GRIP1: variants seen among roughly 807,000 people sequenced by gnomAD.
GRIP1 encodes glutamate receptor-interacting protein 1.
In GRIP1, 45 loss-of-function variants were observed where a neutral mutation model predicts 129.9. The ratio of observed to expected loss-of-function variants is 0.35; its 90% CI spans 0.27 to 0.44. GRIP1 has a LOEUF of 0.44. Among genes scored for constraint, GRIP1 ranks in the 20% least tolerant of loss-of-function variants. The probability of loss-of-function intolerance (pLI) is 1.00; values close to 1 mark genes in which losing one functional copy is unlikely to be tolerated. For missense variants in GRIP1, 1,196 were observed against 1,396.8 expected, an observed-to-expected ratio of 0.86 and a Z score of 2.29; for synonymous variants, 530 against 520.8, an observed-to-expected ratio of 1.02 and a Z score of -0.24.
intron 1 of GRIP1, among the ~76,000 whole-genome samples, chr12:66,640,416 A>G (rs575749187): frequency 6.6e-6 from 1 of 152,308 alleles, no homozygotes; most frequent in South Asian, 2.1e-4. Flanking sequence ...ATGTCTTTTA[A>G]ACAGATTCCT....
intron 1 of GRIP1, among the ~76,000 whole-genome samples, chr12:67,058,475 A>G (rs11176555): frequency 0.11 from 16,994 of 152,294 alleles, 1,020 homozygotes; most frequent in African/African-American, 0.13. Context: ...TCTTTATTCA[A>G]AATACAAAGT....
At chr12:66,758,674 A>C (rs2037375927) in intron 1 of GRIP1, among the ~76,000 whole-genome samples, 1 of 152,192 alleles carries the variant, frequency 6.6e-6, no homozygotes, top group South Asian at 2.1e-4. Flanking sequence ...GATACAATGG[A>C]GGTACAGGTA....
At chr12:66,870,179 C>T (rs2040271489) in intron 1 of GRIP1, among the ~76,000 whole-genome samples, 1 of 152,050 alleles carries the variant, frequency 6.6e-6, no homozygotes, top group African/African-American at 2.4e-5. Flanking sequence ...GAGAAGGAAT[C>T]ATAAGCATAT....
intron 7 of GRIP1, among the ~76,000 whole-genome samples, chr12:66,485,758 T>C (rs2059936531): frequency 1.3e-5 from 2 of 152,090 alleles, no homozygotes; most frequent in South Asian, 4.1e-4. Flanking sequence ...AGTCAAGATA[T>C]ATTTTCTCCA....
intron 1 of GRIP1, among the ~76,000 whole-genome samples, chr12:67,014,125 C>T (rs1265434912): frequency 1.3e-5 from 2 of 152,184 alleles, no homozygotes; most frequent in Non-Finnish European, 2.9e-5. Context: ...CAAGCCATAA[C>T]AGCACCCAGT....
chr12:66,970,241 C>G (rs1368243846), intron 1 of GRIP1, among the ~76,000 whole-genome samples: 1 of 152,174 alleles, frequency 6.6e-6, no homozygotes, highest in Non-Finnish European at 1.5e-5. Context: ...ACCACCATGC[C>G]AGGCTAATCT....
chr12:66,817,202 G>GCACACACACACACA (rs57507955), intron 1 of GRIP1, among the ~76,000 whole-genome samples: 3 of 136,122 alleles, frequency 2.2e-5, no homozygotes, highest in African/African-American at 5.4e-5. Context: ...TTTTCAGTAT[G>GCACACACACACACA]CACACACACA....
intron 1 of GRIP1, among the ~76,000 whole-genome samples, chr12:66,892,372 C>A (rs2040674681): frequency 6.6e-6 from 1 of 152,058 alleles, no homozygotes; most frequent in African/African-American, 2.4e-5. Flanking sequence ...CAGAGAGAAC[C>A]TTTTTTAAAA....
At chr12:66,930,490 T>C (rs376416602) in intron 1 of GRIP1, among the ~76,000 whole-genome samples, 2,078 of 151,496 alleles carry the variant, frequency 0.014, 47 homozygotes, top group African/African-American at 0.047. Flanking sequence ...CCACATTTTC[T>C]TAATCCAGTC....
At chr12:66,438,586 C>T (rs1226242023) in intron 13 of GRIP1, among the ~76,000 whole-genome samples, 1 of 151,738 alleles carries the variant, frequency 6.6e-6, no homozygotes, top group African/African-American at 2.4e-5. Flanking sequence ...ACCTCCACCT[C>T]CCGGGTTCAA....
At chr12:66,948,005 G>A (rs2041698793) in intron 1 of GRIP1, among the ~76,000 whole-genome samples, 1 of 152,096 alleles carries the variant, frequency 6.6e-6, no homozygotes, top group Admixed American at 6.5e-5. Context: ...CTGCTTATCA[G>A]ACTCCTTTAT....
intron 1 of GRIP1, chr12:67,069,024 C>CA: frequency 3.5e-5 from 33 of 949,116 alleles, no homozygotes; most frequent in Non-Finnish European, 4.0e-5. Flanking sequence ...CCTGCCCTCC[C>CA]TCCCCGGCCC....
At chr12:66,432,941 C>T (rs1010865355) in intron 13 of GRIP1, among the ~76,000 whole-genome samples, 13 of 152,270 alleles carry the variant, frequency 8.5e-5, no homozygotes, top group African/African-American at 3.1e-4. Context: ...TAATTCCAAT[C>T]TATGAATCAG....
intron 15 of GRIP1, among the ~76,000 whole-genome samples, chr12:66,417,796 CAAAT>C (rs2057661707): frequency 6.6e-6 from 1 of 151,818 alleles, no homozygotes; most frequent in Non-Finnish European, 1.5e-5. Flanking sequence ...AGGACACAAA[CAAAT>C]AGAAAATAAA....
At chr12:66,924,647 C>T (rs979006475) in intron 1 of GRIP1, among the ~76,000 whole-genome samples, 2 of 152,158 alleles carry the variant, frequency 1.3e-5, no homozygotes, top group Non-Finnish European at 2.9e-5. Context: ...ACAAACGATG[C>T]CTCACTCATA....
chr12:66,704,110 T>C (rs2035445862), intron 1 of GRIP1, among the ~76,000 whole-genome samples: 1 of 152,116 alleles, frequency 6.6e-6, no homozygotes. Context: ...AAGATATAGA[T>C]GGTGAAATTG....
chr12:66,593,677 G>T (rs549484936), intron 2 of GRIP1, among the ~76,000 whole-genome samples: 2 of 152,266 alleles, frequency 1.3e-5, no homozygotes, highest in South Asian at 4.1e-4. Context: ...ATTCATCAGA[G>T]AAAGTGCTAA....
chr12:66,766,679 A>G (rs1301457207), intron 1 of GRIP1, among the ~76,000 whole-genome samples: 3 of 152,012 alleles, frequency 2.0e-5, no homozygotes, highest in Non-Finnish European at 4.4e-5. Context: ...ACAGTACAGG[A>G]GGTTCTCACG....
chr12:66,869,237 C>T (rs1032118087), intron 1 of GRIP1, among the ~76,000 whole-genome samples: 5 of 151,984 alleles, frequency 3.3e-5, no homozygotes, highest in Non-Finnish European at 7.4e-5. Context: ...ATCAACTCCT[C>T]ACCACATAAG....
Sources: gnomAD v4.1 joint callset for allele counts (sites outside exome capture counted in the v4.1 genomes callset) on GRCh38, gnomAD v4.1.1 for gene constraint, MANE v1.5 for transcripts, NCBI Gene and HGNC (gene_info 2026-07-23, HGNC 2026-07-21) for gene names.